The following SLC8A3 variants were observed in gnomAD, a reference collection of about 807,000 sequenced individuals.
SLC8A3 encodes the protein sodium/calcium exchanger 3.
In SLC8A3, 37 loss-of-function variants were observed where a neutral mutation model predicts 65.4. The ratio of observed to expected loss-of-function variants is 0.57; its 90% CI spans 0.44 to 0.74. The LOEUF (loss-of-function observed/expected upper bound fraction) is 0.74, where lower values mean the gene tolerates loss of function less well. SLC8A3 is among the 30% of genes least tolerant of loss of function. SLC8A3 has a pLI of 0.00. For synonymous variants in SLC8A3, 461 were observed against 444.5 expected (o/e 1.04, Z -0.47); for missense variants, 1,112 against 1,172.1 (o/e 0.95, Z 0.75).
At chr14:70,153,999 G>C (rs1896429227) in intron 2 of SLC8A3, among the ~76,000 whole-genome samples, 2 of 152,224 alleles carry the variant, frequency 1.3e-5, no homozygotes, top group African/African-American at 4.8e-5. Flanking sequence ...GACCAGCTCA[G>C]GTGAGGGTGG....
At chr14:70,180,511 T>C (rs1323105205) in intron 1 of SLC8A3, among the ~76,000 whole-genome samples, 1 of 152,158 alleles carries the variant, frequency 6.6e-6, no homozygotes. Context: ...GATTTCCCCT[T>C]GAGGTTGATT....
At chr14:70,151,435 G>A (rs970491761) in intron 2 of SLC8A3, among the ~76,000 whole-genome samples, 1 of 152,064 alleles carries the variant, frequency 6.6e-6, no homozygotes, top group Non-Finnish European at 1.5e-5. Flanking sequence ...AATTCAAAAG[G>A]TTTACAATTG....
At chr14:70,179,436 AG>A (rs1882533813) in intron 1 of SLC8A3, among the ~76,000 whole-genome samples, 1 of 152,194 alleles carries the variant, frequency 6.6e-6, no homozygotes, top group Non-Finnish European at 1.5e-5. Flanking sequence ...GTACTCAGTA[AG>A]TATTTGCTGA....
chr14:70,120,589 A>G (rs1893988696), intron 2 of SLC8A3, among the ~76,000 whole-genome samples: 1 of 152,196 alleles, frequency 6.6e-6, no homozygotes, highest in African/African-American at 2.4e-5. Flanking sequence ...CAAGAATGGT[A>G]AAAGAATTAG....
chr14:70,150,946 TTCTGGGCAGTTGTTTAAGAACTA>T (rs1896231389), intron 2 of SLC8A3, among the ~76,000 whole-genome samples: 1 of 152,142 alleles, frequency 6.6e-6, no homozygotes, highest in African/African-American at 2.4e-5. Flanking sequence ...AGGCTGGAAC[TTCTGGGCAGTTGTTTAAGAACTA>T]TCTGGCCAGG....
At position 70,072,647 on chromosome 14, in the gene SLC8A3, C is replaced by T. The variant is rs374030136; in HGVS notation, c.1785-11708G>A. Among the ~76,000 whole-genome samples, 6 of 151,416 alleles carry T rather than the reference C, an allele frequency of 4.0e-5. No individual in the cohort carries two copies. The East Asian group carries it at 1.2e-3, about 31-fold the overall frequency. On this transcript the variant is annotated intron_variant, in intron 2 of 6. Transcript: ENST00000356921. ...CATCCATCCATCTCTGCAACCTGAACTTTTCTTTTTTTGTGAGAGAAAAAA... is the reference window on the plus strand; with the variant it reads ...CATCCATCCATCTCTGCAACCTGAATTTTTCTTTTTTTGTGAGAGAAAAAA...
At chr14:70,060,015 C>T (rs1052376122) in intron 3 of SLC8A3, among the ~76,000 whole-genome samples, 17 of 152,180 alleles carry the variant, frequency 1.1e-4, no homozygotes, top group Non-Finnish European at 1.5e-5. Context: ...CATAGAATGG[C>T]ATGGGGTGGG....
intron 2 of SLC8A3, among the ~76,000 whole-genome samples, chr14:70,070,756 A>G (rs1889938912): frequency 1.3e-5 from 2 of 152,220 alleles, no homozygotes; most frequent in African/African-American, 4.8e-5. Flanking sequence ...CATGGAGAGG[A>G]TTCCTGCATG....
chr14:70,049,727 G>C (rs539524807), intron 5 of SLC8A3, among the ~76,000 whole-genome samples: 1 of 152,280 alleles, frequency 6.6e-6, no homozygotes, highest in South Asian at 2.1e-4. Flanking sequence ...CTGGATGCCA[G>C]CAGGGCTCCT....
At chr14:70,108,141 T>TACAA (rs1474229219) in intron 2 of SLC8A3, among the ~76,000 whole-genome samples, 5 of 152,196 alleles carry the variant, frequency 3.3e-5, no homozygotes, top group African/African-American at 1.2e-4. Flanking sequence ...AATAAAAATT[T>TACAA]ACAAACAACT....
chr14:70,113,918 C>T (rs1893480949), intron 2 of SLC8A3, among the ~76,000 whole-genome samples: 1 of 151,658 alleles, frequency 6.6e-6, no homozygotes, highest in South Asian at 2.1e-4. Context: ...TTTTTTTTTC[C>T]TGATGTTCCC....
rs1887121086 is a variant in SLC8A3 at position 70,048,926 on chromosome 14, C to T, written c.2230G>A (p.Glu744Lys). Residue 744 changes from glutamate (E) to lysine (K), a missense_variant, in exon 6 of 7, where the codon GAG becomes AAG. By Grantham distance (56) the Glu-to-Lys change is moderately conservative. Transcript: ENST00000356921. ...AAGCAGGCCCAGCCGTGGCAGTACTCTGTGGGGGGCACACAGGCAAACAGC... is the reference window on the plus strand; with the variant it reads ...AAGCAGGCCCAGCCGTGGCAGTACTTTGTGGGGGGCACACAGGCAAACAGC... The part of the protein sequence containing the change: ...KVLFACVPPT[E>K]YCHGWACFAV... 1 of 1,614,116 alleles carries T rather than the reference C, an allele frequency of 6.2e-7. No individual in the cohort carries two copies. The highest frequency in any genetic ancestry group is 8.5e-7 in the Non-Finnish European group (1 of 1,180,054).
At chr14:70,077,882 C>T (rs1290741047) in intron 2 of SLC8A3, among the ~76,000 whole-genome samples, 1 of 152,224 alleles carries the variant, frequency 6.6e-6, no homozygotes, top group Non-Finnish European at 1.5e-5. Flanking sequence ...TGCCCTTCCT[C>T]CGATTTCCAC....
chr14:70,092,596 T>A (rs1377630743), intron 2 of SLC8A3, among the ~76,000 whole-genome samples: 1 of 152,200 alleles, frequency 6.6e-6, no homozygotes, highest in African/African-American at 2.4e-5. Flanking sequence ...AGTGGCTATC[T>A]TTTTACATAG....
rs578136866 is a variant in SLC8A3, at chr14:70,104,320, C to T, written c.1785-43381G>A. On this transcript the variant is annotated intron_variant, in intron 2 of 6. Transcript: ENST00000356921. ...TTATACCCAATGACTACAGAATACA[C>T]TTTCTTTTCAAGAGCACAAGGAATG... 2.6e-5 allele frequency among the ~76,000 whole-genome samples: 4 copies of T among 152,272 alleles called. No homozygotes were observed. The East Asian group carries it at 7.7e-4, about 29-fold the overall frequency.
At chr14:70,137,053 G>C (rs1895243710) in intron 2 of SLC8A3, among the ~76,000 whole-genome samples, 1 of 152,118 alleles carries the variant, frequency 6.6e-6, no homozygotes, top group Admixed American at 6.5e-5. Flanking sequence ...ATTAGAGTCA[G>C]AGATAAAACT....
At chr14:70,055,651 A>G in intron 3 of SLC8A3, 3 of 631,380 alleles carry the variant, frequency 4.8e-6, no homozygotes, top group Non-Finnish European at 8.0e-6. Flanking sequence ...ATGTGGGAAA[A>G]TAAATCTCCC....
chr14:70,142,975 A>G (rs1895673472), intron 2 of SLC8A3, among the ~76,000 whole-genome samples: 1 of 152,166 alleles, frequency 6.6e-6, no homozygotes, highest in African/African-American at 2.4e-5. Flanking sequence ...TTTATTATTG[A>G]GCACAAATAT....
chr14:70,182,628 C>G (rs1882852416), intron 1 of SLC8A3, among the ~76,000 whole-genome samples: 1 of 151,898 alleles, frequency 6.6e-6, no homozygotes, highest in Admixed American at 6.6e-5. Flanking sequence ...ATGAGCAGTC[C>G]TTGTTGGATG....
Sources: allele counts gnomAD v4.1 joint callset (sites outside exome capture counted in the v4.1 genomes callset), GRCh38; gene constraint gnomAD v4.1.1; transcripts MANE v1.5; gene names NCBI Gene and HGNC (gene_info 2026-07-23, HGNC 2026-07-21).